TRPM3: variants seen among roughly 807,000 people sequenced by gnomAD.
TRPM3 encodes transient receptor potential cation channel subfamily M member 3.
TRPM3 carries 77 observed loss-of-function variants against 181.2 expected under a neutral mutation model. The observed-to-expected ratio is 0.42, with a 90% CI of 0.35 to 0.51. The LOEUF is 0.51. TRPM3 is among the 20% of genes least tolerant of loss of function. The pLI is 0.01. For synonymous variants in TRPM3, 745 were observed against 796.4 expected, an observed-to-expected ratio of 0.94 and a Z score of 1.09; for missense variants, 1,759 against 2,196.7, an observed-to-expected ratio of 0.80 and a Z score of 3.98.
chr9:71,135,015 G>A (rs2074676410), intron 1 of TRPM3, among the ~76,000 whole-genome samples: 1 of 152,138 alleles, frequency 6.6e-6, no homozygotes, highest in African/African-American at 2.4e-5. Context: ...TGTAAACACA[G>A]CCTCATAGGA....
chr9:71,298,603 T>C (rs912333028), intron 1 of TRPM3, among the ~76,000 whole-genome samples: 1 of 152,168 alleles, frequency 6.6e-6, no homozygotes, highest in African/African-American at 2.4e-5. Context: ...AAAAAAAATC[T>C]GTTTCTCACA....
intron 20 of TRPM3, 37 bp downstream of exon 20, chr9:70,603,305 G>C (rs776944843): frequency 1.2e-6 from 2 of 1,602,562 alleles, no homozygotes; most frequent in South Asian, 1.1e-5. Context: ...CTTAACCACT[G>C]TCTTTCTCTT....
intron 1 of TRPM3, among the ~76,000 whole-genome samples, chr9:70,946,329 T>C (rs1007273349): frequency 2.6e-5 from 4 of 152,038 alleles, no homozygotes; most frequent in Non-Finnish European, 5.9e-5. Flanking sequence ...TTAAGAACCT[T>C]GAATCCTTAG....
intron 5 of TRPM3, among the ~76,000 whole-genome samples, chr9:70,836,625 C>G (rs1403327204): frequency 6.6e-6 from 1 of 152,180 alleles, no homozygotes; most frequent in Non-Finnish European, 1.5e-5. Flanking sequence ...GCTTGCATGA[C>G]TCCCTCTGAC....
intron 6 of TRPM3, among the ~76,000 whole-genome samples, chr9:70,784,957 G>A (rs2083289106): frequency 6.6e-6 from 1 of 152,154 alleles, no homozygotes; most frequent in South Asian, 2.1e-4. Context: ...TGCTTCCCAG[G>A]TTCAAGCAAT....
intron 1 of TRPM3, among the ~76,000 whole-genome samples, chr9:71,206,369 G>A (rs920856791): frequency 6.6e-6 from 1 of 152,100 alleles, no homozygotes; most frequent in African/African-American, 2.4e-5. Flanking sequence ...TTTTTCATAT[G>A]TTTGTTGGCC....
At chr9:70,668,590 G>A (rs1016804631) in intron 9 of TRPM3, among the ~76,000 whole-genome samples, 6 of 149,700 alleles carry the variant, frequency 4.0e-5, no homozygotes, top group Non-Finnish European at 5.9e-5. Context: ...GTGTGAACCC[G>A]GGAGGCGGAG....
intron 1 of TRPM3, among the ~76,000 whole-genome samples, chr9:70,984,024 C>T (rs904597443): frequency 1.3e-5 from 2 of 152,052 alleles, no homozygotes; most frequent in Non-Finnish European, 2.9e-5. Flanking sequence ...CTCCCTCAGT[C>T]CAGCTATGTG....
At chr9:70,930,049 T>C (rs1471120383) in intron 1 of TRPM3, among the ~76,000 whole-genome samples, 1 of 152,188 alleles carries the variant, frequency 6.6e-6, no homozygotes, top group African/African-American at 2.4e-5. Context: ...GCACAAATCC[T>C]AATGGTAGTG....
intron 9 of TRPM3, among the ~76,000 whole-genome samples, chr9:70,657,775 A>G (rs886583873): frequency 2.0e-5 from 3 of 152,176 alleles, no homozygotes; most frequent in African/African-American, 7.2e-5. Flanking sequence ...GACAGCAATT[A>G]ATCTCACATC....
intron 1 of TRPM3, among the ~76,000 whole-genome samples, chr9:70,878,129 T>C (rs1349664709): frequency 2.0e-5 from 3 of 152,092 alleles, no homozygotes; most frequent in African/African-American, 4.8e-5. Flanking sequence ...CCAATGTTAA[T>C]GATTTGAAAG....
At chr9:71,134,014 T>TGTGTGC (rs1554832860) in intron 1 of TRPM3, among the ~76,000 whole-genome samples, 1 of 139,950 alleles carries the variant, frequency 7.1e-6, no homozygotes, top group African/African-American at 2.6e-5. Flanking sequence ...TGTGTGTGTG[T>TGTGTGC]GCGCGTGCGC....
At chr9:70,974,493 C>G (rs1294930511) in intron 1 of TRPM3, among the ~76,000 whole-genome samples, 2 of 152,014 alleles carry the variant, frequency 1.3e-5, no homozygotes, top group Non-Finnish European at 2.9e-5. Flanking sequence ...GAGCCGAGAG[C>G]GCGCCACTGC....
At chr9:70,544,202 C>T (rs116220235) in intron 25 of TRPM3, among the ~76,000 whole-genome samples, 2,010 of 152,090 alleles carry the variant, frequency 0.013, 38 homozygotes, top group African/African-American at 0.046. Context: ...AAAGCTTTTC[C>T]TGATATTTAA....
intron 1 of TRPM3, among the ~76,000 whole-genome samples, chr9:71,020,910 C>T (rs941124903): frequency 1.3e-5 from 2 of 152,100 alleles, no homozygotes; most frequent in African/African-American, 4.8e-5. Context: ...TATCTATGTA[C>T]TCAAATAGAG....
At chr9:71,095,758 C>CAAAAAAAAAAAAA (rs34934062) in intron 1 of TRPM3, among the ~76,000 whole-genome samples, 4 of 85,228 alleles carry the variant, frequency 4.7e-5, no homozygotes, top group Non-Finnish European at 7.0e-5. Context: ...GACTCTGTGT[C>CAAAAAAAAAAAAA]AAAAAAAAAA....
intron 1 of TRPM3, among the ~76,000 whole-genome samples, chr9:71,171,460 C>T (rs1468510280): frequency 6.6e-6 from 1 of 152,136 alleles, no homozygotes; most frequent in African/African-American, 2.4e-5. Context: ...AAATTTCTCT[C>T]TTTTGTACTC....
At chr9:70,802,918 A>G (rs995075210) in intron 6 of TRPM3, among the ~76,000 whole-genome samples, 3 of 151,182 alleles carry the variant, frequency 2.0e-5, no homozygotes, top group African/African-American at 4.9e-5. Flanking sequence ...TTTGTTTTCC[A>G]TTTGTTTTTC....
At chr9:71,079,839 T>A (rs2063984059) in intron 1 of TRPM3, among the ~76,000 whole-genome samples, 1 of 152,104 alleles carries the variant, frequency 6.6e-6, no homozygotes, top group Non-Finnish European at 1.5e-5. Flanking sequence ...CCCCCAGTGG[T>A]CTTCTGGTCA....
Sources: allele counts gnomAD v4.1 joint callset (sites outside exome capture counted in the v4.1 genomes callset), GRCh38; gene constraint gnomAD v4.1.1; transcripts MANE v1.5; gene names NCBI Gene and HGNC (gene_info 2026-07-23, HGNC 2026-07-21).